Variants in FGF14 observed in about 807,000 individuals in gnomAD.
FGF14 encodes fibroblast growth factor 14.
FGF14 carries 5 observed loss-of-function variants against 25.5 expected under a neutral mutation model. That is an observed-to-expected ratio of 0.20 (90% confidence interval 0.10 to 0.41). The LOEUF (loss-of-function observed/expected upper bound fraction) is 0.41, where lower values mean the gene tolerates loss of function less well. Ranked by LOEUF, FGF14 falls within the 10% of genes least tolerant of loss-of-function variation. The pLI, the probability that FGF14 is intolerant of heterozygous loss-of-function variation, is 1.00. For missense variants in FGF14, 222 were observed against 320.1 expected, an observed-to-expected ratio of 0.69 and a Z score of 2.34; for synonymous variants, 138 against 118.3, an observed-to-expected ratio of 1.17 and a Z score of -1.08.
chr13:102,062,273 A>G (rs930008431), intron 1 of FGF14, among the ~76,000 whole-genome samples: 11 of 152,126 alleles, frequency 7.2e-5, no homozygotes, highest in Admixed American at 2.6e-4. Context: ...AACTCTACTT[A>G]CTAGCAAATA....
chr13:102,347,647 T>C (rs1317995749), intron 1 of FGF14, among the ~76,000 whole-genome samples: 2 of 152,150 alleles, frequency 1.3e-5, no homozygotes, highest in East Asian at 3.9e-4. Context: ...GCCCTGGCCA[T>C]GAAACACACC....
intron 1 of FGF14, among the ~76,000 whole-genome samples, chr13:102,078,140 G>A (rs1566656504): frequency 1.3e-5 from 2 of 152,104 alleles, no homozygotes; most frequent in East Asian, 1.9e-4. Flanking sequence ...GGTACGGGGT[G>A]GGGGCTCAGA....
chr13:102,165,118 C>G (rs1457300993), intron 1 of FGF14, among the ~76,000 whole-genome samples: 1 of 151,986 alleles, frequency 6.6e-6, no homozygotes, highest in Non-Finnish European at 1.5e-5. Context: ...CAATGAGATA[C>G]CATCTCACAC....
intron 1 of FGF14, among the ~76,000 whole-genome samples, chr13:102,053,530 A>G (rs1046807387): frequency 6.6e-6 from 1 of 152,180 alleles, no homozygotes; most frequent in African/African-American, 2.4e-5. Context: ...GAGATAAACA[A>G]AAATGTAAAC....
chr13:102,082,186 A>G (rs2043651373), intron 1 of FGF14, among the ~76,000 whole-genome samples: 3 of 151,812 alleles, frequency 2.0e-5, no homozygotes, highest in Non-Finnish European at 4.4e-5. Flanking sequence ...CCTGATGCAG[A>G]TACCTGTGAA....
chr13:101,930,220 C>A (rs1012344236), intron 1 of FGF14, among the ~76,000 whole-genome samples: 3 of 152,120 alleles, frequency 2.0e-5, no homozygotes, highest in Admixed American at 2.0e-4. Flanking sequence ...ACAAAAACAA[C>A]AACAAAACAT....
intron 1 of FGF14, among the ~76,000 whole-genome samples, chr13:102,190,766 TG>T (rs1288189916): frequency 6.6e-6 from 1 of 152,148 alleles, no homozygotes; most frequent in Non-Finnish European, 1.5e-5. Context: ...ACAATGGCAA[TG>T]AAAACACTAA....
chr13:102,158,525 TG>T (rs2047461612), intron 1 of FGF14, among the ~76,000 whole-genome samples: 1 of 31,560 alleles, frequency 3.2e-5, no homozygotes, highest in Non-Finnish European at 5.8e-5. Flanking sequence ...TGTTGTGGGG[TG>T]GGGGTAGCGG....
Position 102,131,030 on chromosome 13 carries a change from C to T in FGF14, c.209-255734G>A, listed in dbSNP as rs576111345. Among the ~76,000 whole-genome samples the T allele has an allele frequency of 2.0e-5, 3 of 152,296 alleles. No homozygotes were observed. The South Asian group carries it at 6.2e-4, about 32-fold the overall frequency. ...ACTAGGTGCATTCTTGCATTGTGGA[C>T]AGTCAACACACCTAAAGAGTGTGAC... On this transcript the variant is annotated intron_variant, in intron 1 of 4. Transcript: ENST00000376131.
chr13:101,781,666 T>G (rs939964698), intron 3 of FGF14, among the ~76,000 whole-genome samples: 1 of 152,230 alleles, frequency 6.6e-6, no homozygotes, highest in Non-Finnish European at 1.5e-5. Flanking sequence ...AATCTAAAGA[T>G]ATACACTTAG....
intron 3 of FGF14, among the ~76,000 whole-genome samples, chr13:101,792,043 T>C (rs2040265111): frequency 6.6e-6 from 1 of 152,192 alleles, no homozygotes; most frequent in Admixed American, 6.6e-5. Flanking sequence ...TGAGAAAATA[T>C]ATGTAAATCT....
chr13:102,318,797 G>A (rs1441770842), intron 1 of FGF14, among the ~76,000 whole-genome samples: 2 of 152,114 alleles, frequency 1.3e-5, no homozygotes, highest in East Asian at 1.9e-4. Flanking sequence ...TTTGAGGGGG[G>A]CACGTTTCAA....
chr13:101,938,268 T>G (rs2035231100), intron 1 of FGF14, among the ~76,000 whole-genome samples: 2 of 151,894 alleles, frequency 1.3e-5, no homozygotes. Flanking sequence ...ACCATTTGCT[T>G]CATACACAAC....
chr13:102,075,481 T>TA (rs936527245), intron 1 of FGF14, among the ~76,000 whole-genome samples: 21 of 152,270 alleles, frequency 1.4e-4, no homozygotes, highest in Admixed American at 2.6e-4. Context: ...GATTCTGGTG[T>TA]AAAAAAACCT....
intron 1 of FGF14, among the ~76,000 whole-genome samples, chr13:102,031,473 CT>C (rs2041205267): frequency 6.6e-6 from 1 of 152,004 alleles, no homozygotes; most frequent in Non-Finnish European, 1.5e-5. Context: ...TAAAGCCATG[CT>C]TTTTTCACTA....
intron 3 of FGF14, among the ~76,000 whole-genome samples, chr13:101,837,698 T>G (rs2042994649): frequency 6.6e-6 from 1 of 152,128 alleles, no homozygotes; most frequent in African/African-American, 2.4e-5. Context: ...CTTAAAATAA[T>G]CTAACGATAA....
chr13:101,728,691 C>G (rs2035606801), intron 3 of FGF14, among the ~76,000 whole-genome samples: 1 of 152,120 alleles, frequency 6.6e-6, no homozygotes, highest in Non-Finnish European at 1.5e-5. Flanking sequence ...AAGCATATTG[C>G]TTACCAGTTA....
At chr13:102,041,374 T>C (rs560154145) in intron 1 of FGF14, among the ~76,000 whole-genome samples, 1 of 152,152 alleles carries the variant, frequency 6.6e-6, no homozygotes, top group South Asian at 2.1e-4. Flanking sequence ...ATTAGAGTCA[T>C]TATGACTATG....
intron 1 of FGF14, among the ~76,000 whole-genome samples, chr13:102,159,197 T>A (rs1449135998): frequency 7.9e-5 from 12 of 151,784 alleles, no homozygotes. Context: ...CTTCTGTTTT[T>A]ACATGAACAT....
Sources: gnomAD v4.1 joint callset for allele counts (sites outside exome capture counted in the v4.1 genomes callset) on GRCh38, gnomAD v4.1.1 for gene constraint, MANE v1.5 for transcripts, NCBI Gene and HGNC (gene_info 2026-07-23, HGNC 2026-07-21) for gene names.